Variants in KPNA5 observed in about 807,000 individuals in gnomAD.
KPNA5 encodes karyopherin subunit alpha 5.
KPNA5 carries 46 observed loss-of-function variants against 71.3 expected under a neutral mutation model. The observed-to-expected ratio is 0.65, with a 90% CI of 0.51 to 0.83. The LOEUF is 0.83. Among genes scored for constraint, KPNA5 ranks in the 40% least tolerant of loss-of-function variants. KPNA5 has a pLI of 0.00. For missense variants in KPNA5, 547 were observed against 628.3 expected (o/e 0.87, Z 1.38); for synonymous variants, 207 against 201.4 (o/e 1.03, Z -0.24).
rs191459271 is a variant in KPNA5, at chr6:116,706,262, T to C, written c.656+1102T>C. ...TTAATATCTCAAGTAGGTAGTGGTT[T>C]ATGAAGTAGTAAACATTTCTTAGGT... On this transcript the variant is annotated intron_variant, in intron 7 of 13. Coordinates refer to ENST00000368564, the MANE Select transcript of KPNA5 (RefSeq NM_001366306.2). 3.6e-3 allele frequency among the ~76,000 whole-genome samples: 553 copies of C among 152,330 alleles called. 1 individual carries two copies. The highest frequency in any genetic ancestry group is 0.013 in the African/African-American group (536 of 41,556).
At chr6:116,703,438 T>C (rs1028991888) in intron 6 of KPNA5, among the ~76,000 whole-genome samples, 7 of 151,970 alleles carry the variant, frequency 4.6e-5, no homozygotes, top group African/African-American at 1.7e-4. Flanking sequence ...AGTTTTTATA[T>C]TTCTAATAGA....
At position 116,702,012 on chromosome 6, in the gene KPNA5, T is replaced by C; in HGVS notation, c.436-7T>C. The C allele has an allele frequency of 6.3e-7, 1 of 1,597,140 alleles. No homozygotes were observed. The highest frequency in any genetic ancestry group is 2.2e-5 in the East Asian group (1 of 44,654). ...TTTCATTTATTTTACCTTTTTTTTC[T>C]TCTTAGTTTGAAGCTGCATGGGCAT... On this transcript the variant is annotated splice_polypyrimidine_tract_variant and splice_region_variant and intron_variant, in intron 5 of 13. Transcript: ENST00000368564.
chr6:116,740,821 A>G lies in KPNA5; in HGVS notation c.*8498A>G, dbSNP rs927487668. On this transcript the variant is annotated 3_prime_UTR_variant, in exon 14 of 14. Transcript: ENST00000368564. The stretch of plus-strand genomic sequence containing the variant: ...AGAACACATGGACACAGGAAGGGGA[A>G]CATCACACTCTGGGGACTGTTGTGG... 10 of 134,810 alleles carry G rather than the reference A, an allele frequency of 7.4e-5. No homozygotes were observed. The highest frequency in any genetic ancestry group is 2.7e-4 in the African/African-American group (10 of 36,726). The allele number at this position is 134,810 out of a possible 1,614,324, so 8.4% of individuals were successfully genotyped here.
chr6:116,713,518 G>A lies in KPNA5; in HGVS notation c.657-2701G>A, dbSNP rs568366477. On this transcript the variant is annotated intron_variant, in intron 7 of 13. Coordinates refer to ENST00000368564, the MANE Select transcript of KPNA5 (RefSeq NM_001366306.2). ...TTGTCTTTTGATTACTTGTGTCTTG[G>A]TATGTGTCTTTTTGAGTTTATCCTT... 1.2e-4 allele frequency among the ~76,000 whole-genome samples: 19 copies of A among 152,178 alleles called. No individual in the cohort carries two copies. The South Asian group carries it at 3.9e-3, about 32-fold the overall frequency.
rs551747580 is a variant in KPNA5 at position 116,711,503 on chromosome 6, T to G, written c.657-4716T>G. Among the ~76,000 whole-genome samples, 54 of 148,298 alleles carry G rather than the reference T, an allele frequency of 3.6e-4. 1 individual carries two copies. The highest frequency in any genetic ancestry group is 1.3e-3 in the African/African-American group (54 of 40,726). ...CTACATCCCTTAAGTTTTGGTGTGT[T>G]TTTTTTTTTATTTATCTCAAAGTAT... On this transcript the variant is annotated intron_variant, in intron 7 of 13. Transcript: ENST00000368564.
In KPNA5 at chr6:116,732,924, A is replaced by G. The variant is rs1321657440; in HGVS notation, c.*601A>G. 3 of 151,938 alleles carry G rather than the reference A, an allele frequency of 2.0e-5. No homozygotes were observed. Among genetic ancestry groups the G allele is most frequent in the Non-Finnish European group, 4.4e-5 (3 of 67,854 alleles). 9.4% of individuals were successfully genotyped at this position (151,938 alleles called of 1,614,324 possible). A position where few individuals can be genotyped will look rare whatever the true frequency, so the allele number is the denominator to read the frequency against. On this transcript the variant is annotated 3_prime_UTR_variant, in exon 14 of 14. Coordinates refer to ENST00000368564, the MANE Select transcript of KPNA5 (RefSeq NM_001366306.2). Reference sequence around the variant, plus strand: ...CCTATAAAATTTATTTATAAAACAGAAGAAATATTATACTGATAATCCATT... The same window carrying G: ...CCTATAAAATTTATTTATAAAACAGGAGAAATATTATACTGATAATCCATT...
intron 12 of KPNA5, among the ~76,000 whole-genome samples, 198 bp from the exon 13 acceptor site, chr6:116,729,365 G>T (rs556901621): frequency 7.9e-5 from 12 of 152,076 alleles, no homozygotes; most frequent in African/African-American, 2.9e-4. Flanking sequence ...TAGAGAATAG[G>T]TGAGTAAAGA....
In KPNA5 at chr6:116,733,590, T is replaced by G. The variant is rs1054561838; in HGVS notation, c.*1267T>G. 1.3e-5 allele frequency: 2 copies of G among 151,368 alleles called. No homozygotes were observed. Among genetic ancestry groups the G allele is most frequent in the African/African-American group, 2.4e-5 (1 of 41,472 alleles). 9.4% of individuals were successfully genotyped at this position (151,368 alleles called of 1,614,324 possible). A position where few individuals can be genotyped will look rare whatever the true frequency, so the allele number is the denominator to read the frequency against. On this transcript the variant is annotated 3_prime_UTR_variant, in exon 14 of 14. Coordinates refer to ENST00000368564, the MANE Select transcript of KPNA5 (RefSeq NM_001366306.2). Reference sequence around the variant, plus strand: ...AAGAAAGGTTTCAATAGAAAAATTATATATATATTTATACATATATATGTG... The same window carrying G: ...AAGAAAGGTTTCAATAGAAAAATTAGATATATATTTATACATATATATGTG...
chr6:116,686,153 G>GCTCTGCCTCCCGC (rs1239257670), intron 1 of KPNA5, among the ~76,000 whole-genome samples: 14 of 151,930 alleles, frequency 9.2e-5, no homozygotes, highest in Non-Finnish European at 1.6e-4. Context: ...AATCCTCCTG[G>GCTCTGCCTCCCGC]CTCTGCCTCC....
chr6:116,724,180 A>G, intron 9 of KPNA5, 117 bp from the exon 10 acceptor site: 2 of 613,136 alleles, frequency 3.3e-6, no homozygotes, highest in Non-Finnish European at 2.9e-6. Flanking sequence ...AATAATTAGT[A>G]AAACTTCAAT....
intron 7 of KPNA5, among the ~76,000 whole-genome samples, chr6:116,710,286 T>C (rs897895557): frequency 2.6e-5 from 4 of 152,166 alleles, no homozygotes; most frequent in African/African-American, 9.7e-5. Context: ...GTATGTATAT[T>C]CCGAAGAAAT....
chr6:116,716,008 T>G (rs953097115), intron 7 of KPNA5, among the ~76,000 whole-genome samples: 1 of 152,166 alleles, frequency 6.6e-6, no homozygotes, highest in Non-Finnish European at 1.5e-5. Flanking sequence ...AAGAATTCTT[T>G]TAAGAATTCA....
chr6:116,717,904 A>G (rs547189378), intron 8 of KPNA5, among the ~76,000 whole-genome samples: 1 of 152,046 alleles, frequency 6.6e-6, no homozygotes, highest in Non-Finnish European at 1.5e-5. Flanking sequence ...ACCGCCAGAA[A>G]GTTATACTCC....
chr6:116,727,075 A>G (rs1347349181), intron 12 of KPNA5, among the ~76,000 whole-genome samples: 1 of 152,024 alleles, frequency 6.6e-6, no homozygotes, highest in East Asian at 1.9e-4. Context: ...TTATTTTTCT[A>G]TACTAGTTAC....
chr6:116,692,730 T>C (rs1016887127), intron 4 of KPNA5, among the ~76,000 whole-genome samples: 2 of 152,202 alleles, frequency 1.3e-5, no homozygotes, highest in African/African-American at 4.8e-5. Context: ...TTTGTATTTA[T>C]TTATTTTTTA....
chr6:116,704,155 C>T (rs1778345376), intron 6 of KPNA5, among the ~76,000 whole-genome samples: 1 of 152,036 alleles, frequency 6.6e-6, no homozygotes, highest in Non-Finnish European at 1.5e-5. Context: ...TCTTATGCTT[C>T]AGCCTCCTGA....
intron 1 of KPNA5, among the ~76,000 whole-genome samples, chr6:116,687,029 A>G (rs958602420): frequency 2.2e-4 from 33 of 152,150 alleles, no homozygotes; most frequent in Admixed American, 2.0e-3. Context: ...TTTTGGTTCC[A>G]TATGAATTTG....
intron 8 of KPNA5, among the ~76,000 whole-genome samples, chr6:116,718,899 C>G (rs1779004985): frequency 1.3e-5 from 2 of 152,034 alleles, no homozygotes; most frequent in South Asian, 4.1e-4. Flanking sequence ...CCCCAAGTAG[C>G]TGGGATTACA....
At position 116,702,154 on chromosome 6, in the gene KPNA5, C is replaced by T. The variant is rs772258066; in HGVS notation, c.567+4C>T. 1.1e-4 allele frequency: 174 copies of T among 1,611,742 alleles called. 1 individual carries two copies. Among genetic ancestry groups the T allele is most frequent in the Non-Finnish European group, 1.0e-4 (120 of 1,179,370 alleles). On this transcript the variant is annotated splice_donor_region_variant and intron_variant, in intron 6 of 13. Transcript: ENST00000368564. The stretch of plus-strand genomic sequence containing the variant: ...ACATGAAGATGTTCAGGAACAGGTA[C>T]GTCTCTAATTTGTATTGTTGTATGT...
Sources: allele counts gnomAD v4.1 joint callset (sites outside exome capture counted in the v4.1 genomes callset), GRCh38; gene constraint gnomAD v4.1.1; transcripts MANE v1.5; gene names NCBI Gene and HGNC (gene_info 2026-07-23, HGNC 2026-07-21).